Variants in RCAN2 observed in about 807,000 individuals in gnomAD.
The protein encoded by RCAN2 is calcipressin-2.
A neutral mutation model predicts 23.6 loss-of-function variants in RCAN2; 9 were observed. The observed-to-expected ratio is 0.38, with a 90% CI of 0.23 to 0.67. RCAN2 has a LOEUF of 0.67. Among genes scored for constraint, RCAN2 ranks in the 30% least tolerant of loss-of-function variants. The probability of loss-of-function intolerance (pLI) is 0.51; values close to 1 mark genes in which losing one functional copy is unlikely to be tolerated. For missense variants in RCAN2, 273 were observed against 302.3 expected, an observed-to-expected ratio of 0.90 and a Z score of 0.72; for synonymous variants, 109 against 115.7, an observed-to-expected ratio of 0.94 and a Z score of 0.37.
chr6:46,231,931 G>C (rs991385420), intron 4 of RCAN2, among the ~76,000 whole-genome samples: 2 of 152,216 alleles, frequency 1.3e-5, no homozygotes, highest in African/African-American at 4.8e-5. Context: ...ATAGTACAGA[G>C]AAATAGAACC....
chr6:46,416,755 CA>C (rs145157211), intron 2 of RCAN2, among the ~76,000 whole-genome samples: 7,463 of 152,112 alleles, frequency 0.049, 354 homozygotes, highest in South Asian at 0.14. Context: ...CTCCTGGGCT[CA>C]AGCGATCCGC....
chr6:46,275,448 G>A (rs1485484498), intron 2 of RCAN2, among the ~76,000 whole-genome samples: 2 of 152,202 alleles, frequency 1.3e-5, no homozygotes, highest in Non-Finnish European at 2.9e-5. Context: ...CAGTTGGTGA[G>A]TTTGCCAACA....
intron 2 of RCAN2, among the ~76,000 whole-genome samples, chr6:46,455,804 C>A (rs547409391): frequency 1.5e-4 from 23 of 149,478 alleles, no homozygotes; most frequent in South Asian, 1.5e-3. Context: ...TGGCAGTGAG[C>A]CGAGATTGCA....
Position 46,368,299 on chromosome 6 carries a change from C to T in RCAN2, c.225+88453G>A, listed in dbSNP as rs114454613. ...AATGATGATAGCTCTGTGTGCTTTA[C>T]TGTTGCACTCTACCACCTTTCTGGT... On this transcript the variant is annotated intron_variant, in intron 2 of 4. Coordinates refer to ENST00000371374, the MANE Select transcript of RCAN2 (RefSeq NM_001251974.2). Among the ~76,000 whole-genome samples the T allele has an allele frequency of 3.4e-3, 511 of 152,304 alleles. 3 individuals are homozygous for T. The highest frequency in any genetic ancestry group is 0.012 in the African/African-American group (480 of 41,566).
At chr6:46,443,055 CA>C (rs1767599757) in intron 2 of RCAN2, among the ~76,000 whole-genome samples, 1 of 152,138 alleles carries the variant, frequency 6.6e-6, no homozygotes, top group African/African-American at 2.4e-5. Flanking sequence ...ATTTAACCTC[CA>C]GAGTACAATG....
chr6:46,254,861 T>C (rs1344434563), intron 2 of RCAN2, among the ~76,000 whole-genome samples: 1 of 152,012 alleles, frequency 6.6e-6, no homozygotes, highest in Non-Finnish European at 1.5e-5. Flanking sequence ...CAGAGAAACA[T>C]AGGGAGAGTG....
At chr6:46,379,760 T>C (rs1424277023) in intron 2 of RCAN2, among the ~76,000 whole-genome samples, 1 of 152,152 alleles carries the variant, frequency 6.6e-6, no homozygotes, top group Non-Finnish European at 1.5e-5. Context: ...ATCCAACCTT[T>C]AGAGAAAGTG....
At chr6:46,276,653 C>G (rs990382066) in intron 2 of RCAN2, among the ~76,000 whole-genome samples, 1 of 152,206 alleles carries the variant, frequency 6.6e-6, no homozygotes, top group Non-Finnish European at 1.5e-5. Context: ...AAAAACCTGT[C>G]TGTATTTGAA....
intron 4 of RCAN2, among the ~76,000 whole-genome samples, chr6:46,245,861 A>C (rs1766493684): frequency 6.6e-6 from 1 of 152,192 alleles, no homozygotes; most frequent in African/African-American, 2.4e-5. Flanking sequence ...AATGGCCATT[A>C]GTTACCACTC....
chr6:46,386,668 C>T (rs1765766458), intron 2 of RCAN2, among the ~76,000 whole-genome samples: 1 of 150,310 alleles, frequency 6.7e-6, no homozygotes, highest in Non-Finnish European at 1.5e-5. Context: ...CTCACGCTAT[C>T]ATGCCAGTCA....
Position 46,222,226 on chromosome 6 carries a change from A to T in RCAN2, c.*915T>A. On this transcript the variant is annotated 3_prime_UTR_variant, in exon 5 of 5. Transcript: ENST00000371374. ...AAGGCATTCATAAGCAATGCACATT[A>T]TGTTTTGAAGCAGCTAATTGTCGAA... 1 of 375,626 alleles carries T rather than the reference A, an allele frequency of 2.7e-6. No individual in the cohort carries two copies. The highest frequency in any genetic ancestry group is 4.7e-6 in the Non-Finnish European group (1 of 211,828). 23.3% of individuals were successfully genotyped at this position (375,626 alleles called of 1,614,324 possible). A position where few individuals can be genotyped will look rare whatever the true frequency, so the allele number is the denominator to read the frequency against.
chr6:46,405,465 G>A (rs1055536434), intron 2 of RCAN2, among the ~76,000 whole-genome samples: 4 of 152,054 alleles, frequency 2.6e-5, no homozygotes, highest in African/African-American at 4.8e-5. Flanking sequence ...TGATTGGTGC[G>A]TTTACAATCC....
intron 2 of RCAN2, among the ~76,000 whole-genome samples, chr6:46,317,711 C>T (rs922113461): frequency 2.0e-5 from 3 of 152,090 alleles, no homozygotes; most frequent in East Asian, 3.9e-4. Context: ...CTGATCTGCC[C>T]GCCTCGGCCT....
In RCAN2 at chr6:46,222,119, A is replaced by C; in HGVS notation, c.*1022T>G. The C allele has an allele frequency of 2.5e-6, 1 of 397,034 alleles. No individual in the cohort carries two copies. Among genetic ancestry groups the C allele is most frequent in the East Asian group, 3.6e-5 (1 of 28,024 alleles). The allele number at this position is 397,034 out of a possible 1,614,324, so 24.6% of individuals were successfully genotyped here. A position where few individuals can be genotyped will look rare whatever the true frequency, so the allele number is the denominator to read the frequency against. On this transcript the variant is annotated 3_prime_UTR_variant, in exon 5 of 5. Coordinates refer to ENST00000371374, the MANE Select transcript of RCAN2 (RefSeq NM_001251974.2). Reference sequence around the variant, plus strand: ...GTTGGCTAATCATGTATATATTGGCATTAGATGTTTTGTGTCCTTTCAAAA... The same window carrying C: ...GTTGGCTAATCATGTATATATTGGCCTTAGATGTTTTGTGTCCTTTCAAAA...
At chr6:46,225,879 G>C (rs1428765669) in intron 4 of RCAN2, among the ~76,000 whole-genome samples, 2 of 152,148 alleles carry the variant, frequency 1.3e-5, no homozygotes, top group Non-Finnish European at 2.9e-5. Context: ...GTCCTGAATG[G>C]TATTGCCTAG....
intron 2 of RCAN2, among the ~76,000 whole-genome samples, chr6:46,403,148 G>C (rs1325640564): frequency 6.6e-6 from 1 of 152,008 alleles, no homozygotes; most frequent in Non-Finnish European, 1.5e-5. Flanking sequence ...TGTATTTTTA[G>C]TAGAGACGGG....
intron 4 of RCAN2, among the ~76,000 whole-genome samples, chr6:46,239,766 T>C (rs1273088453): frequency 1.3e-5 from 2 of 152,120 alleles, no homozygotes; most frequent in Non-Finnish European, 2.9e-5. Context: ...GGGAGCTATA[T>C]ATATTTCAGT....
intron 2 of RCAN2, among the ~76,000 whole-genome samples, chr6:46,302,065 C>A (rs992334616): frequency 6.6e-6 from 1 of 151,974 alleles, no homozygotes; most frequent in Non-Finnish European, 1.5e-5. Flanking sequence ...GAAGTGACTG[C>A]AGTGTCAAGA....
At chr6:46,296,846 T>A (rs1762742054) in intron 2 of RCAN2, among the ~76,000 whole-genome samples, 1 of 152,132 alleles carries the variant, frequency 6.6e-6, no homozygotes, top group South Asian at 2.1e-4. Context: ...AAAAAATCTG[T>A]AAATCTCTTC....
Sources: gnomAD v4.1 joint callset for allele counts (sites outside exome capture counted in the v4.1 genomes callset) on GRCh38, gnomAD v4.1.1 for gene constraint, MANE v1.5 for transcripts, NCBI Gene and HGNC (gene_info 2026-07-23, HGNC 2026-07-21) for gene names.